Variants in NCMAP observed in about 807,000 individuals in gnomAD.
The protein encoded by NCMAP is noncompact myelin-associated protein.
In NCMAP, 8 loss-of-function variants were observed where a neutral mutation model predicts 7.8. That is an observed-to-expected ratio of 1.02 (90% CI 0.60 to 1.84). The LOEUF is 1.84. NCMAP is among the 40% of genes most tolerant of loss of function. The pLI is 0.00. For missense variants in NCMAP, 112 were observed against 131.4 expected (o/e 0.85, Z 0.72); for synonymous variants, 41 against 52.9 (o/e 0.78, Z 0.98).
At chr1:24,575,247 G>T (rs1457873590) in intron 1 of NCMAP, among the ~76,000 whole-genome samples, 1 of 152,024 alleles carries the variant, frequency 6.6e-6, no homozygotes, top group African/African-American at 2.4e-5. Context: ...TTAAAATCAA[G>T]CAGGGGAAAG....
rs193139963 is a variant in NCMAP, at chr1:24,590,883, G to C, written c.-7-4541G>C. On this transcript the variant is annotated intron_variant, in intron 1 of 3. Coordinates refer to ENST00000374392, the MANE Select transcript of NCMAP (RefSeq NM_001010980.5). ...TTACTAATATTCACTATAATACTTA[G>C]AGCTGCCATTTAGTGAACACTGAAA... 1.9e-4 allele frequency among the ~76,000 whole-genome samples: 29 copies of C among 152,274 alleles called. 1 individual carries two copies. The East Asian group carries it at 5.2e-3, about 27-fold the overall frequency.
At chr1:24,586,087 A>G (rs995449685) in intron 1 of NCMAP, among the ~76,000 whole-genome samples, 1 of 152,222 alleles carries the variant, frequency 6.6e-6, no homozygotes, top group Admixed American at 6.5e-5. Context: ...TATCTCATTT[A>G]TTCTCACAAC....
chr1:24,598,275 T>C (rs1652329335), intron 2 of NCMAP, among the ~76,000 whole-genome samples: 1 of 144,548 alleles, frequency 6.9e-6, no homozygotes, highest in African/African-American at 2.5e-5. Context: ...GCATAAATCA[T>C]AAGTGCCCAG....
intron 1 of NCMAP, among the ~76,000 whole-genome samples, chr1:24,581,395 G>C (rs1651741099): frequency 6.6e-6 from 1 of 152,202 alleles, no homozygotes; most frequent in African/African-American, 2.4e-5. Flanking sequence ...GGGATTACAG[G>C]CATGAGCCAC....
chr1:24,587,150 GC>G (rs1651904185), intron 1 of NCMAP, among the ~76,000 whole-genome samples: 1 of 152,136 alleles, frequency 6.6e-6, no homozygotes, highest in Non-Finnish European at 1.5e-5. Flanking sequence ...GAACATGTCA[GC>G]CCCCCTCTGG....
chr1:24,578,724 A>G (rs1228869456), intron 1 of NCMAP, among the ~76,000 whole-genome samples: 3 of 151,558 alleles, frequency 2.0e-5, no homozygotes, highest in Admixed American at 2.0e-4. Context: ...TACCATGCCC[A>G]GCAAATTTTT....
At chr1:24,584,945 A>G (rs1033136172) in intron 1 of NCMAP, among the ~76,000 whole-genome samples, 1 of 85,200 alleles carries the variant, frequency 1.2e-5, no homozygotes, top group South Asian at 4.5e-4. Flanking sequence ...GAACGGGTGG[A>G]AGGACTGTGT....
In NCMAP at chr1:24,600,610, T is replaced by G. The variant is rs560432645; in HGVS notation, c.83-330T>G. Reference sequence around the variant, plus strand: ...TTTCTACAAAAATCACATGCTACTTTTGCATTATCAAAAGGAGGGGAGGGT... The same window carrying G: ...TTTCTACAAAAATCACATGCTACTTGTGCATTATCAAAAGGAGGGGAGGGT... On this transcript the variant is annotated intron_variant, in intron 2 of 3. Transcript: ENST00000374392. Among the ~76,000 whole-genome samples the G allele has an allele frequency of 9.2e-5, 14 of 152,362 alleles. No individual in the cohort carries two copies. In the East Asian group the frequency reaches 2.5e-3, roughly 27 times the overall value.
intron 1 of NCMAP, among the ~76,000 whole-genome samples, chr1:24,567,982 C>G (rs1309317702): frequency 6.6e-6 from 1 of 152,120 alleles, no homozygotes; most frequent in South Asian, 2.1e-4. Context: ...GGTTCCGCGA[C>G]GCCCTGGCCG....
intron 1 of NCMAP, among the ~76,000 whole-genome samples, chr1:24,560,485 G>C (rs548680167): frequency 1.3e-5 from 2 of 152,206 alleles, no homozygotes; most frequent in Non-Finnish European, 2.9e-5. Flanking sequence ...AAAAACAAAT[G>C]TGGGCCCGGG....
chr1:24,560,672 A>T (rs1651024199), intron 1 of NCMAP, among the ~76,000 whole-genome samples: 1 of 151,668 alleles, frequency 6.6e-6, no homozygotes, highest in African/African-American at 2.4e-5. Context: ...TGAGCCCAGG[A>T]GGTTGAGGCT....
chr1:24,575,915 CAAAAAAAAAAA>C (rs10549961), intron 1 of NCMAP, among the ~76,000 whole-genome samples: 3 of 79,544 alleles, frequency 3.8e-5, no homozygotes, highest in African/African-American at 7.8e-5. Flanking sequence ...ATTGCACTCT[CAAAAAAAAAAA>C]AAAAAAAAAA....
chr1:24,592,799 G>T (rs1028385118), intron 1 of NCMAP, among the ~76,000 whole-genome samples: 1 of 152,098 alleles, frequency 6.6e-6, no homozygotes, highest in African/African-American at 2.4e-5. Context: ...GGCGCCTGTA[G>T]TCCCAGCTAC....
chr1:24,601,151 A>G, intron 3 of NCMAP, 127 bp downstream of exon 3: 3 of 716,056 alleles, frequency 4.2e-6, no homozygotes, highest in Non-Finnish European at 4.9e-6. Context: ...TAAATGCTCT[A>G]ACCCTTGGGG....
intron 1 of NCMAP, among the ~76,000 whole-genome samples, chr1:24,579,610 C>T (rs59461588): frequency 0.032 from 4,861 of 152,232 alleles, 251 homozygotes; most frequent in African/African-American, 0.11. Context: ...CATGGTGGTG[C>T]ACACCTGTAG....
intron 3 of NCMAP, among the ~76,000 whole-genome samples, chr1:24,601,607 C>T (rs912834700): frequency 6.6e-6 from 1 of 152,174 alleles, no homozygotes; most frequent in African/African-American, 2.4e-5. Flanking sequence ...GAAGCCATTT[C>T]TTTAAAAAGG....
chr1:24,582,566 A>T (rs1570527130), intron 1 of NCMAP, among the ~76,000 whole-genome samples: 1 of 152,158 alleles, frequency 6.6e-6, no homozygotes, highest in East Asian at 1.9e-4. Flanking sequence ...AGACGATGCT[A>T]CGCTGCTGGT....
At chr1:24,569,517 A>T (rs557531660) in intron 1 of NCMAP, among the ~76,000 whole-genome samples, 7 of 150,710 alleles carry the variant, frequency 4.6e-5, no homozygotes, top group East Asian at 3.9e-4. Flanking sequence ...AAATGATAAT[A>T]GTAACAATGT....
intron 3 of NCMAP, among the ~76,000 whole-genome samples, chr1:24,604,989 G>A (rs139050022): frequency 0.054 from 8,167 of 151,778 alleles, 752 homozygotes; most frequent in African/African-American, 0.19. Flanking sequence ...GGTGACAGGT[G>A]CCTGTGATCC....
Sources: gnomAD v4.1 joint callset for allele counts (sites outside exome capture counted in the v4.1 genomes callset) on GRCh38, gnomAD v4.1.1 for gene constraint, MANE v1.5 for transcripts, NCBI Gene and HGNC (gene_info 2026-07-23, HGNC 2026-07-21) for gene names.